SLC35A1: variants seen among roughly 807,000 people sequenced by gnomAD.
The protein encoded by SLC35A1 is CMP-sialic acid transporter.
A neutral mutation model predicts 40.3 loss-of-function variants in SLC35A1; 21 were observed. That is an observed-to-expected ratio of 0.52 (90% CI 0.37 to 0.75). SLC35A1 has a LOEUF of 0.75. SLC35A1 is among the 30% of genes least tolerant of loss of function. SLC35A1 has a pLI of 0.00. For synonymous variants in SLC35A1, 146 were observed against 147.3 expected (o/e 0.99, Z 0.06); for missense variants, 297 against 382.1 (o/e 0.78, Z 1.86).
chr6:87,493,051 C>T (rs962262275), intron 2 of SLC35A1, among the ~76,000 whole-genome samples: 11 of 152,232 alleles, frequency 7.2e-5, no homozygotes, highest in South Asian at 2.1e-4. Flanking sequence ...TTCATCATTA[C>T]CTATACATTT....
At position 87,508,336 on chromosome 6, in the gene SLC35A1, T is replaced by A. The variant is rs1770150870; in HGVS notation, c.575-84T>A. The stretch of plus-strand genomic sequence containing the variant: ...TTCCCCAAATCATATACTTTATATA[T>A]CTCTAGGGTATTGTTCTAAATGAAA... On this transcript the variant is annotated intron_variant, in intron 5 of 7. Coordinates refer to ENST00000369552, the MANE Select transcript of SLC35A1 (RefSeq NM_006416.5). 14 of 886,914 alleles carry A rather than the reference T, an allele frequency of 1.6e-5. No individual in the cohort carries two copies. In the South Asian group the frequency reaches 2.1e-4, roughly 13 times the overall value. 54.9% of individuals were successfully genotyped at this position (886,914 alleles called of 1,614,324 possible).
At chr6:87,473,066 G>A (rs1478589440) in intron 1 of SLC35A1, 47 bp downstream of exon 1, 1 of 473,282 alleles carries the variant, frequency 2.1e-6, no homozygotes. Context: ...GGGGGCGGCG[G>A]CGGGCGAGCA....
chr6:87,503,669 G>T (rs962544607), intron 4 of SLC35A1, among the ~76,000 whole-genome samples: 2 of 152,024 alleles, frequency 1.3e-5, no homozygotes, highest in African/African-American at 4.8e-5. Flanking sequence ...CCGAGATCGC[G>T]CCACTGCACA....
intron 2 of SLC35A1, chr6:87,499,065 G>T (rs1278530657): frequency 1.1e-6 from 1 of 919,952 alleles, no homozygotes; most frequent in Non-Finnish European, 1.3e-6. Context: ...CTGTAACTAA[G>T]AAGGATGTCT....
At chr6:87,477,217 G>T in intron 1 of SLC35A1, 145 bp from the exon 2 acceptor site, 1 of 688,568 alleles carries the variant, frequency 1.5e-6, no homozygotes. Context: ...GGCAAACATT[G>T]TTTTGAAAAA....
At chr6:87,481,051 T>C (rs1769228599) in intron 2 of SLC35A1, among the ~76,000 whole-genome samples, 1 of 152,098 alleles carries the variant, frequency 6.6e-6, no homozygotes, top group African/African-American at 2.4e-5. Flanking sequence ...AGACTTGTAG[T>C]TTTGAGGGAA....
intron 2 of SLC35A1, among the ~76,000 whole-genome samples, chr6:87,481,142 G>A (rs577346627): frequency 1.8e-4 from 28 of 152,228 alleles, no homozygotes; most frequent in Non-Finnish European, 3.7e-4. Flanking sequence ...CAGGCTGGGC[G>A]CGGTGGCTCA....
At chr6:87,483,479 TG>T (rs199776505) in intron 2 of SLC35A1, among the ~76,000 whole-genome samples, 11,657 of 123,464 alleles carry the variant, frequency 0.094, 476 homozygotes, top group South Asian at 0.11. Flanking sequence ...GTACCCCTAT[TG>T]GGATTTTTCA....
At position 87,512,250 on chromosome 6, in the gene SLC35A1, C is replaced by CTGT. The variant is rs1174283377; in HGVS notation, c.*727_*729dup. 3 of 152,588 alleles carry CTGT rather than the reference C, an allele frequency of 2.0e-5. No homozygotes were observed. Among genetic ancestry groups the CTGT allele is most frequent in the African/African-American group, 7.2e-5 (3 of 41,404 alleles). The allele number at this position is 152,588 out of a possible 1,614,324, so 9.5% of individuals were successfully genotyped here. ...ACTTTTTTAAATAAAGTATGTTTAA[C>CTGT]TGTTGGGCTCTCAATAATTTGTGAA... is the stretch of plus-strand genomic sequence containing the variant. On this transcript the variant is annotated 3_prime_UTR_variant, in exon 8 of 8. Coordinates refer to ENST00000369552, the MANE Select transcript of SLC35A1 (RefSeq NM_006416.5).
At chr6:87,477,004 G>A (rs1769093199) in intron 1 of SLC35A1, among the ~76,000 whole-genome samples, 1 of 152,140 alleles carries the variant, frequency 6.6e-6, no homozygotes, top group South Asian at 2.1e-4. Flanking sequence ...GGGGGACAGA[G>A]TGAGACCTTG....
chr6:87,503,693 T>C (rs954609129), intron 4 of SLC35A1, among the ~76,000 whole-genome samples: 3 of 152,148 alleles, frequency 2.0e-5, no homozygotes, highest in Non-Finnish European at 2.9e-5. Context: ...GCTCGAGTGA[T>C]AGTGCGAGAC....
intron 1 of SLC35A1, among the ~76,000 whole-genome samples, chr6:87,475,920 G>A (rs1391893098): frequency 6.6e-6 from 1 of 152,150 alleles, no homozygotes; most frequent in Non-Finnish European, 1.5e-5. Context: ...GCTGATCCCT[G>A]TTTAACCTTG....
chr6:87,488,215 C>T lies in SLC35A1; in HGVS notation c.194+10676C>T, dbSNP rs182244551. ...GGCTAGAGATATAAATTTGGGAGTT[C>T]TTATCACATAAAAGTATTTAATCTC... On this transcript the variant is annotated intron_variant, in intron 2 of 7. Coordinates refer to ENST00000369552, the MANE Select transcript of SLC35A1 (RefSeq NM_006416.5). 286 of 152,196 alleles carry T rather than the reference C, an allele frequency of 1.9e-3. 1 individual carries two copies. The highest frequency in any genetic ancestry group is 6.7e-3 in the African/African-American group (277 of 41,532). The allele number at this position is 152,196 out of a possible 1,614,324, so 9.4% of individuals were successfully genotyped here.
chr6:87,508,077 A>G (rs1223201577), intron 5 of SLC35A1, among the ~76,000 whole-genome samples: 1 of 152,146 alleles, frequency 6.6e-6, no homozygotes, highest in East Asian at 1.9e-4. Flanking sequence ...TTTTCAGCTG[A>G]CCAAAGCAAA....
chr6:87,508,269 C>T, intron 5 of SLC35A1, 151 bp from the exon 6 acceptor site: 1 of 609,000 alleles, frequency 1.6e-6, no homozygotes, highest in East Asian at 2.8e-5. Flanking sequence ...ATGTGTCACA[C>T]AACCTACATA....
In SLC35A1 at chr6:87,509,285, C is replaced by T. The variant is rs1279972563; in HGVS notation, c.886+110C>T. 4.4e-6 allele frequency: 6 copies of T among 1,366,088 alleles called. No homozygotes were observed. The East Asian group carries it at 1.4e-4, about 31-fold the overall frequency. The allele number at this position is 1,366,088 out of a possible 1,614,324, so 84.6% of individuals were successfully genotyped here. The stretch of plus-strand genomic sequence containing the variant: ...GTTGGTCATACTGTTTACAGAAATT[C>T]CTAGCTTTGTTACTACAGTTTATTC... On this transcript the variant is annotated intron_variant, in intron 7 of 7. Coordinates refer to ENST00000369552, the MANE Select transcript of SLC35A1 (RefSeq NM_006416.5).
chr6:87,500,622 C>A lies in SLC35A1; in HGVS notation c.309C>A (p.Asn103Lys). ...CGTTAGTGTATGCTGTTCAGAACAA[C>A]ATGGCTTTCCTAGCTCTTAGCAATC... is the stretch of plus-strand genomic sequence containing the variant. Reference protein sequence around the residue: ...VPSLVYAVQNNMAFLALSNLD... With the variant: ...VPSLVYAVQNKMAFLALSNLD... The change falls in exon 3 of 8, where the codon AAC (asparagine) becomes AAA (lysine). Residue 103 changes from asparagine to lysine, a missense_variant. Coordinates refer to ENST00000369552, the MANE Select transcript of SLC35A1 (RefSeq NM_006416.5). The A allele has an allele frequency of 6.2e-7, 1 of 1,614,122 alleles. No homozygotes were observed. The highest frequency in any genetic ancestry group is 8.5e-7 in the Non-Finnish European group (1 of 1,180,008).
chr6:87,473,140 G>A, intron 1 of SLC35A1, 121 bp downstream of exon 1: 1 of 404,040 alleles, frequency 2.5e-6, no homozygotes, highest in Non-Finnish European at 4.4e-6. Flanking sequence ...TCTGGGGCCT[G>A]GCTGAGGCGT....
intron 2 of SLC35A1, among the ~76,000 whole-genome samples, chr6:87,480,533 C>A (rs189050961): frequency 2.0e-5 from 3 of 152,298 alleles, no homozygotes; most frequent in Non-Finnish European, 2.9e-5. Context: ...ACTACTGAGA[C>A]CTTGCTTTTG....
Sources: gnomAD v4.1 joint callset for allele counts (sites outside exome capture counted in the v4.1 genomes callset) on GRCh38, gnomAD v4.1.1 for gene constraint, MANE v1.5 for transcripts, NCBI Gene and HGNC (gene_info 2026-07-23, HGNC 2026-07-21) for gene names.